DDX10: variants seen among roughly 807,000 people sequenced by gnomAD.
The protein encoded by DDX10 is probable ATP-dependent RNA helicase DDX10.
DDX10 carries 74 observed loss-of-function variants against 104.3 expected under a neutral mutation model. The observed-to-expected ratio is 0.71, with a 90% CI of 0.59 to 0.86. DDX10 has a LOEUF of 0.86. DDX10 is among the 40% of genes least tolerant of loss of function. The pLI is 0.00. For missense variants in DDX10, 952 were observed against 1,040.0 expected, an observed-to-expected ratio of 0.92 and a Z score of 1.16; for synonymous variants, 351 against 353.4, an observed-to-expected ratio of 0.99 and a Z score of 0.08.
At chr11:108,713,758 T>C (rs2094287649) in intron 10 of DDX10, among the ~76,000 whole-genome samples, 1 of 152,216 alleles carries the variant, frequency 6.6e-6, no homozygotes, top group East Asian at 1.9e-4. Context: ...AAAGAATTGC[T>C]GTAAATAGGC....
rs1207651289 is a variant in DDX10 at position 108,723,049 on chromosome 11, A to G, written c.1552A>G (p.Lys518Glu). ...PRVRFLQKMQ[K>E]QPTKELVRSQ... ...CGTAAGATTTCTTCAGAAAATGCAGAAACAACCCACCAAAGAATTGGTAAG... is the reference window on the plus strand; with the variant it reads ...CGTAAGATTTCTTCAGAAAATGCAGGAACAACCCACCAAAGAATTGGTAAG... The change falls in exon 13 of 18, where the codon AAA becomes GAA. Residue 518 changes from lysine to glutamate, a missense_variant. Coordinates refer to ENST00000322536, the MANE Select transcript of DDX10 (RefSeq NM_004398.4). 6.2e-7 allele frequency: 1 copy of G among 1,612,762 alleles called. No individual in the cohort carries two copies. The highest frequency in any genetic ancestry group is 8.5e-7 in the Non-Finnish European group (1 of 1,179,604).
intron 13 of DDX10, among the ~76,000 whole-genome samples, chr11:108,752,334 T>TTAG: frequency 6.6e-6 from 1 of 152,154 alleles, no homozygotes; most frequent in East Asian, 1.9e-4. Flanking sequence ...AGTGCATCTG[T>TTAG]CAGTGTATGC....
chr11:108,738,800 G>A (rs1228723017), intron 13 of DDX10, among the ~76,000 whole-genome samples: 1 of 152,174 alleles, frequency 6.6e-6, no homozygotes, highest in Non-Finnish European at 1.5e-5. Context: ...GTATTAGCCT[G>A]CCATACTTTC....
chr11:108,888,244 AT>A (rs1863327300), intron 16 of DDX10, among the ~76,000 whole-genome samples: 1 of 152,164 alleles, frequency 6.6e-6, no homozygotes, highest in Non-Finnish European at 1.5e-5. Flanking sequence ...GTCAAATTAA[AT>A]TTGAATAAGG....
At chr11:108,694,753 C>T (rs1270159972) in intron 9 of DDX10, among the ~76,000 whole-genome samples, 5 of 152,168 alleles carry the variant, frequency 3.3e-5, no homozygotes, top group East Asian at 1.9e-4. Context: ...TGGTGGTGTG[C>T]GCCTGTAGTC....
At position 108,680,908 on chromosome 11, in the gene DDX10, A is replaced by G. The variant is rs572704475; in HGVS notation, c.848+1348A>G. Among the ~76,000 whole-genome samples the G allele has an allele frequency of 3.9e-4, 60 of 152,188 alleles. 1 individual carries two copies. The highest frequency in any genetic ancestry group is 6.8e-4 in the Non-Finnish European group (46 of 68,046). Reference sequence around the variant, plus strand: ...TGAGTACTGGTATCTTTGACTTTCAAGAACTTGGGAATGGAATAGTAAGAT... The same window carrying G: ...TGAGTACTGGTATCTTTGACTTTCAGGAACTTGGGAATGGAATAGTAAGAT... On this transcript the variant is annotated intron_variant, in intron 6 of 17. Coordinates refer to ENST00000322536, the MANE Select transcript of DDX10 (RefSeq NM_004398.4).
intron 10 of DDX10, among the ~76,000 whole-genome samples, chr11:108,708,650 C>T (rs1300981022): frequency 6.6e-6 from 1 of 151,604 alleles, no homozygotes; most frequent in Non-Finnish European, 1.5e-5. Context: ...TCACTGGAAC[C>T]TCTACCTCCT....
chr11:108,918,289 A>G (rs1387872610), intron 17 of DDX10: 2 of 400,482 alleles, frequency 5.0e-6, no homozygotes, highest in Non-Finnish European at 4.3e-6. Context: ...TCCTTTCTCT[A>G]TTCTTTTTTT....
chr11:108,825,484 C>T (rs1184497112), intron 13 of DDX10, among the ~76,000 whole-genome samples: 1 of 152,124 alleles, frequency 6.6e-6, no homozygotes, highest in East Asian at 1.9e-4. Flanking sequence ...TTCGTATTGG[C>T]AGTATCAATA....
At chr11:108,740,058 G>T (rs1261927418) in intron 13 of DDX10, among the ~76,000 whole-genome samples, 2 of 151,450 alleles carry the variant, frequency 1.3e-5, no homozygotes, top group Non-Finnish European at 2.9e-5. Context: ...TGTCATGGGG[G>T]TTTGGTGTAC....
At chr11:108,721,949 T>C (rs1360184856) in intron 12 of DDX10, among the ~76,000 whole-genome samples, 2 of 152,202 alleles carry the variant, frequency 1.3e-5, no homozygotes, top group East Asian at 1.9e-4. Context: ...ACAGTGGTGA[T>C]GGTGATGACA....
At chr11:108,893,581 A>AT (rs1863403453) in intron 16 of DDX10, among the ~76,000 whole-genome samples, 1 of 151,220 alleles carries the variant, frequency 6.6e-6, no homozygotes, top group African/African-American at 2.4e-5. Flanking sequence ...TATTTTCCTT[A>AT]TTTTTTTGGA....
intron 16 of DDX10, among the ~76,000 whole-genome samples, chr11:108,905,343 G>A (rs1443213975): frequency 6.9e-6 from 1 of 144,778 alleles, no homozygotes; most frequent in Non-Finnish European, 1.5e-5. Context: ...CTGTGATCCA[G>A]TCCCACCACC....
At chr11:108,748,490 C>T (rs960648144) in intron 13 of DDX10, among the ~76,000 whole-genome samples, 4 of 152,098 alleles carry the variant, frequency 2.6e-5, no homozygotes, top group African/African-American at 9.7e-5. Flanking sequence ...TTCGTTAGTT[C>T]ACGTGGTATA....
chr11:108,906,892 A>G (rs1249500286), intron 16 of DDX10, among the ~76,000 whole-genome samples: 1 of 152,196 alleles, frequency 6.6e-6, no homozygotes, highest in Non-Finnish European at 1.5e-5. Context: ...TCATTTTGCT[A>G]AAAGTCTTAA....
At chr11:108,708,446 A>T (rs796243229) in intron 10 of DDX10, among the ~76,000 whole-genome samples, 1 of 151,426 alleles carries the variant, frequency 6.6e-6, no homozygotes, top group Non-Finnish European at 1.5e-5. Flanking sequence ...GTTGGATTCA[A>T]TGTGCTAATA....
intron 13 of DDX10, among the ~76,000 whole-genome samples, chr11:108,728,748 C>G (rs2094308398): frequency 6.6e-6 from 1 of 151,976 alleles, no homozygotes; most frequent in Non-Finnish European, 1.5e-5. Flanking sequence ...AAACTCTTGG[C>G]CTCAAGTGAT....
Position 108,677,243 on chromosome 11 carries a change from G to C in DDX10, c.537G>C (p.Lys179Asn). 2 of 1,611,662 alleles carry C rather than the reference G, an allele frequency of 1.2e-6. No homozygotes were observed. The highest frequency in any genetic ancestry group is 4.5e-5 in the East Asian group (2 of 44,764). ...CAGCTGGTCTCATCATTGGTGGAAA[G>C]GTTTGTCCTTTTGTCTATGTCCTTC... is the stretch of plus-strand genomic sequence containing the variant. ...DFSAGLIIGG[K>N]DLKHEAERIN... Residue 179 changes from lysine to asparagine, a missense_variant and splice_region_variant, in exon 4 of 18, where the codon AAG (lysine) becomes AAC (asparagine). By Grantham distance (94) the Lys-to-Asn change is moderately conservative (BLOSUM62 0). Coordinates refer to ENST00000322536, the MANE Select transcript of DDX10 (RefSeq NM_004398.4).
At chr11:108,867,468 A>G (rs776725521) in intron 16 of DDX10, among the ~76,000 whole-genome samples, 3 of 152,208 alleles carry the variant, frequency 2.0e-5, no homozygotes, top group Non-Finnish European at 2.9e-5. Flanking sequence ...ATCTAGTCTC[A>G]TCCATGATAA....
Sources: allele counts gnomAD v4.1 joint callset (sites outside exome capture counted in the v4.1 genomes callset), GRCh38; gene constraint gnomAD v4.1.1; transcripts MANE v1.5; gene names NCBI Gene and HGNC (gene_info 2026-07-23, HGNC 2026-07-21).